MRPL34: variants seen among roughly 807,000 people sequenced by gnomAD.
MRPL34 encodes mitochondrial ribosomal protein L34, also known as large ribosomal subunit protein bL34m.
In MRPL34, 8 loss-of-function variants were observed where a neutral mutation model predicts 6.7. That is an observed-to-expected ratio of 1.20 (90% confidence interval 0.70 to 2.16). The LOEUF is 2.16. MRPL34 is among the 30% of genes most tolerant of loss of function. The probability of loss-of-function intolerance (pLI) is 0.00; values close to 1 mark genes in which losing one functional copy is unlikely to be tolerated. For missense variants in MRPL34, 146 were observed against 125.5 expected, an observed-to-expected ratio of 1.16 and a Z score of -0.78; for synonymous variants, 59 against 55.1, an observed-to-expected ratio of 1.07 and a Z score of -0.31.
At position 17,306,425 on chromosome 19, in the gene MRPL34, G is replaced by A; in HGVS notation, c.*46G>A. 1.3e-6 allele frequency: 2 copies of A among 1,493,672 alleles called. No individual in the cohort carries two copies. The highest frequency in any genetic ancestry group is 1.3e-5 in the South Asian group (1 of 78,618). 92.5% of individuals were successfully genotyped at this position (1,493,672 alleles called of 1,614,324 possible). ...GGACCCTCATGGAAGCATCGCCCTC[G>A]CCTCGGACCTTGCCTGGCGCTATTT... On this transcript the variant is annotated 3_prime_UTR_variant, in exon 2 of 2. Coordinates refer to ENST00000252602, the MANE Select transcript of MRPL34 (RefSeq NM_023937.4).
upstream of MRPL34, among the ~76,000 whole-genome samples, chr19:17,302,442 G>A (rs1036940605): frequency 2.0e-5 from 3 of 152,126 alleles, no homozygotes; most frequent in Admixed American, 6.5e-5. Flanking sequence ...TATCCCCAGG[G>A]CCTCCTAAGG....
chr19:17,303,129 C>G (rs1447600984), upstream of MRPL34: 1 of 152,252 alleles, frequency 6.6e-6, no homozygotes, highest in Non-Finnish European at 1.5e-5. Context: ...GTCGAGCCCA[C>G]TGGGGCTCCG....
chr19:17,299,233 G>GTCCC (rs2074106098), upstream of MRPL34, among the ~76,000 whole-genome samples: 1 of 56,022 alleles, frequency 1.8e-5, no homozygotes, highest in Non-Finnish European at 3.9e-5. Flanking sequence ...AACATAATGA[G>GTCCC]ACCCCCCCCC....
upstream of MRPL34, among the ~76,000 whole-genome samples, chr19:17,300,108 G>C (rs1329859737): frequency 6.6e-6 from 1 of 151,180 alleles, no homozygotes; most frequent in Admixed American, 6.6e-5. Flanking sequence ...GTTTCACCGT[G>C]TTAGCCAGGA....
chr19:17,300,760 G>C, upstream of MRPL34: 1 of 1,443,850 alleles, frequency 6.9e-7, no homozygotes, highest in Non-Finnish European at 9.3e-7. Context: ...TTACAGGCGT[G>C]AGCCACGGGG....
chr19:17,300,766 C>G, upstream of MRPL34: 1 of 1,467,394 alleles, frequency 6.8e-7, no homozygotes, highest in Non-Finnish European at 9.2e-7. Flanking sequence ...GCGTGAGCCA[C>G]GGGGCTCAGC....
At chr19:17,301,449 G>C, upstream of MRPL34, 1 of 1,611,988 alleles carries the variant, frequency 6.2e-7, no homozygotes, top group Non-Finnish European at 8.5e-7. Flanking sequence ...GTGGAGGTGG[G>C]GCAGCGGCTG....
In MRPL34 at chr19:17,294,667, A is replaced by G. The variant is rs1039187307; in HGVS notation, c.214+1813A>G. On this transcript the variant is annotated intron_variant, in intron 1 of 2. Transcript: ENST00000595444. ...CAGGATCACGGTCTTTGGGGTGGGG[A>G]CACTCACTTGAGGAAGCTCCAGGCC... 1.9e-6 allele frequency: 3 copies of G among 1,612,912 alleles called. No individual in the cohort carries two copies. In the African/African-American group the frequency reaches 4.0e-5, roughly 22 times the overall value.
At chr19:17,293,073 A>G (rs1463850458) in intron 1 of MRPL34, among the ~76,000 whole-genome samples, 3 of 148,022 alleles carry the variant, frequency 2.0e-5, no homozygotes. Context: ...CAGGAGAAGG[A>G]TTTTCTTCTT....
upstream of MRPL34, among the ~76,000 whole-genome samples, chr19:17,299,083 A>G (rs767929283): frequency 6.6e-6 from 1 of 152,108 alleles, no homozygotes; most frequent in Non-Finnish European, 1.5e-5. Flanking sequence ...AATATCAGTG[A>G]TGACGGAAAT....
chr19:17,300,958 T>C (rs2074114578), upstream of MRPL34: 4 of 1,613,456 alleles, frequency 2.5e-6, no homozygotes, highest in Non-Finnish European at 3.4e-6. Flanking sequence ...TGCGGCCACC[T>C]GGGGCGCAGA....
At chr19:17,302,213 C>G (rs62126256), upstream of MRPL34, 52,202 of 152,042 alleles carry the variant, frequency 0.34, 9,491 homozygotes, top group South Asian at 0.42. Context: ...AAGGTGGTGG[C>G]GTCTTGTGTG....
chr19:17,300,761 A>T, upstream of MRPL34: 1 of 1,444,592 alleles, frequency 6.9e-7, no homozygotes, highest in East Asian at 2.3e-5. Flanking sequence ...TACAGGCGTG[A>T]GCCACGGGGC....
At chr19:17,299,429 C>T (rs963094950), upstream of MRPL34, among the ~76,000 whole-genome samples, 11 of 151,646 alleles carry the variant, frequency 7.3e-5, no homozygotes, top group East Asian at 5.8e-4. Context: ...GGCATGGTAG[C>T]GGGTGCCTGT....
At chr19:17,292,879 A>G in intron 1 of MRPL34, 1 of 1,580,408 alleles carries the variant, frequency 6.3e-7, no homozygotes, top group Non-Finnish European at 8.6e-7. Flanking sequence ...GAGGGTGGAG[A>G]GAGGCCAGGC....
upstream of MRPL34, chr19:17,301,734 G>A (rs1436335991): frequency 2.3e-6 from 3 of 1,305,042 alleles, no homozygotes; most frequent in East Asian, 8.5e-5. Flanking sequence ...CCAGTTTGGG[G>A]AGCGCCAGAT....
chr19:17,295,623 G>T (rs1356281789), intron 1 of MRPL34, among the ~76,000 whole-genome samples: 1 of 152,018 alleles, frequency 6.6e-6, no homozygotes, highest in Non-Finnish European at 1.5e-5. Flanking sequence ...GCTCAGGCTG[G>T]TCGAGAACTC....
chr19:17,306,091 A>T (rs1160844353), intron 1 of MRPL34, 75 bp from the exon 2 acceptor site: 2 of 1,489,740 alleles, frequency 1.3e-6, no homozygotes, highest in East Asian at 4.9e-5. Context: ...CCGGGAGCCG[A>T]GGCTCAGAGA....
At chr19:17,301,637 A>T, upstream of MRPL34, 1 of 1,521,280 alleles carries the variant, frequency 6.6e-7, no homozygotes, top group South Asian at 1.3e-5. Flanking sequence ...GTGAGTGAGG[A>T]CAGCAGCCAG....
Sources: allele counts gnomAD v4.1 joint callset (sites outside exome capture counted in the v4.1 genomes callset), GRCh38; gene constraint gnomAD v4.1.1; transcripts MANE v1.5; gene names NCBI Gene and HGNC (gene_info 2026-07-23, HGNC 2026-07-21).